Variants in STARD9 observed in about 807,000 individuals in gnomAD.
STARD9 encodes the protein StAR related lipid transfer domain containing 9, also known as stAR-related lipid transfer protein 9.
Under a neutral mutation model 399.8 loss-of-function variants are expected in STARD9, and 346 were observed. The ratio of observed to expected loss-of-function variants is 0.87; its 90% confidence interval spans 0.79 to 0.95. The LOEUF (loss-of-function observed/expected upper bound fraction) is 0.95. Ranked by LOEUF, STARD9 falls within the 40% of genes least tolerant of loss-of-function variation. The pLI is 0.00. For missense variants in STARD9, 5,832 were observed against 5,667.5 expected (o/e 1.03, Z -0.93); for synonymous variants, 2,203 against 2,143.5 (o/e 1.03, Z -0.77).
chr15:42,615,174 A>AT (rs1001576870), intron 3 of STARD9, among the ~76,000 whole-genome samples: 1 of 151,622 alleles, frequency 6.6e-6, no homozygotes, highest in Admixed American at 6.6e-5. Flanking sequence ...ATGCTGGCTA[A>AT]TTTTTTTGTA....
chr15:42,583,637 G>A (rs1222344334), intron 2 of STARD9, among the ~76,000 whole-genome samples: 2 of 152,096 alleles, frequency 1.3e-5, no homozygotes, highest in African/African-American at 4.8e-5. Context: ...TATCAGATAG[G>A]GTGCATCTGT....
At chr15:42,592,593 T>TCACCC (rs1331367236) in intron 3 of STARD9, among the ~76,000 whole-genome samples, 1 of 151,992 alleles carries the variant, frequency 6.6e-6, no homozygotes, top group Non-Finnish European at 1.5e-5. Flanking sequence ...TACAGGTGTG[T>TCACCC]GCCACCACAC....
rs1213752817 is a variant in STARD9, at chr15:42,720,218, G to A, written c.*644G>A. 1.3e-5 allele frequency: 2 copies of A among 152,304 alleles called. No homozygotes were observed. Among genetic ancestry groups the A allele is most frequent in the Admixed American group, 1.3e-4 (2 of 15,282 alleles). 9.4% of individuals were successfully genotyped at this position (152,304 alleles called of 1,614,324 possible). ...ATTTGGGTCTTGGCCTGAGGCAGGG[G>A]TGTTGAGCGATGATGCTCTGATATG... On this transcript the variant is annotated 3_prime_UTR_variant, in exon 33 of 33. Transcript: ENST00000290607.
At chr15:42,637,885 T>C (rs1273244936) in intron 4 of STARD9, 22 bp from the exon 5 acceptor site, 2 of 1,536,996 alleles carry the variant, frequency 1.3e-6, no homozygotes, top group African/African-American at 2.7e-5. Context: ...ACAATAATGC[T>C]TTCCTTTCTT....
intron 9 of STARD9, among the ~76,000 whole-genome samples, chr15:42,659,079 C>G (rs10400824): frequency 6.6e-6 from 1 of 151,870 alleles, no homozygotes; most frequent in African/African-American, 2.4e-5. Context: ...TGCCACTGCA[C>G]TTCAGCCTAG....
chr15:42,672,346 C>T (rs2060218998), intron 16 of STARD9: 1 of 152,228 alleles, frequency 6.6e-6, no homozygotes, highest in African/African-American at 2.4e-5. Context: ...GCCACTAACA[C>T]TCCCTACATA....
chr15:42,609,597 G>A (rs960887046), intron 3 of STARD9, among the ~76,000 whole-genome samples: 5 of 151,726 alleles, frequency 3.3e-5, no homozygotes, highest in East Asian at 2.0e-4. Context: ...GCGCCACCAC[G>A]CCCAGCTAAT....
intron 15 of STARD9, 143 bp downstream of exon 15, chr15:42,665,991 G>T: frequency 1.4e-6 from 1 of 715,688 alleles, no homozygotes; most frequent in Non-Finnish European, 2.4e-6. Flanking sequence ...TTTAAGCCTT[G>T]ACCGGGGGAT....
intron 26 of STARD9, among the ~76,000 whole-genome samples, chr15:42,699,760 G>T (rs2060925986): frequency 6.6e-6 from 1 of 151,982 alleles, no homozygotes; most frequent in Admixed American, 6.6e-5. Flanking sequence ...AAGCTGGAGT[G>T]CAATGGTGCA....
intron 20 of STARD9, among the ~76,000 whole-genome samples, chr15:42,678,940 A>G (rs1189588879): frequency 6.6e-6 from 1 of 152,232 alleles, no homozygotes; most frequent in African/African-American, 2.4e-5. Context: ...GCATCTATAC[A>G]GATGGCAGCA....
rs1337631737 is a variant in STARD9, at chr15:42,682,283, C to T, written c.2245C>T (p.Gln749Ter). 1.3e-6 allele frequency: 2 copies of T among 1,537,288 alleles called. No individual in the cohort carries two copies. The highest frequency in any genetic ancestry group is 2.0e-5 in the Admixed American group (1 of 51,014). Reference sequence around the variant, plus strand: ...AAGTCAGAAAAGGGTGGTGCACCTGCAGCTCCTGCGGAGACACACTCTTCG... The same window carrying T: ...AAGTCAGAAAAGGGTGGTGCACCTGTAGCTCCTGCGGAGACACACTCTTCG... ...VQSQKRVVHL[Q>*]LLRRHTLRAA... Residue 749 changes from glutamine (Q) to a stop codon, truncating the protein, a stop_gained, in exon 22 of 33, where the codon CAG becomes TAG. Transcript: ENST00000290607. LOFTEE classifies it high-confidence loss of function.
chr15:42,583,313 A>G (rs2141661010), intron 1 of STARD9, 33 bp from the exon 2 acceptor site: 1 of 1,501,186 alleles, frequency 6.7e-7, no homozygotes, highest in Non-Finnish European at 8.9e-7. Flanking sequence ...TTTTAAAAAC[A>G]ACATTTCTTC....
At chr15:42,666,919 A>T (rs1244071831) in intron 15 of STARD9, among the ~76,000 whole-genome samples, 1 of 151,132 alleles carries the variant, frequency 6.6e-6, no homozygotes, top group African/African-American at 2.4e-5. Context: ...GGTTCAAGTG[A>T]TTCTCCTGCC....
intron 26 of STARD9, among the ~76,000 whole-genome samples, chr15:42,706,307 GT>G (rs1386430320): frequency 1.3e-5 from 2 of 151,966 alleles, no homozygotes; most frequent in Admixed American, 1.3e-4. Flanking sequence ...TTGTAAATAG[GT>G]TTTTTCGTTC....
chr15:42,651,125 C>G, intron 8 of STARD9, 40 bp downstream of exon 8: 1 of 1,371,164 alleles, frequency 7.3e-7, no homozygotes, highest in East Asian at 2.5e-5. Flanking sequence ...TTTATCCTCA[C>G]ACTCCTATCC....
In STARD9 at chr15:42,693,522, C is replaced by A. The variant is rs2060767392; in HGVS notation, c.11944C>A (p.Pro3982Thr). The A allele has an allele frequency of 1.3e-6, 2 of 1,537,144 alleles. No individual in the cohort carries two copies. The highest frequency in any genetic ancestry group is 1.2e-5 in the South Asian group (1 of 84,066). Reference protein sequence around the residue: ...NGRSFLELHSPHSPQQSPKLQ... With the variant: ...NGRSFLELHSTHSPQQSPKLQ... Reference sequence around the variant, plus strand: ...GAGATCCTTCCTTGAGTTGCACTCCCCACACAGCCCACAGCAGAGTCCAAA... The same window carrying A: ...GAGATCCTTCCTTGAGTTGCACTCCACACACAGCCCACAGCAGAGTCCAAA... Residue 3982 changes from proline to threonine, a missense_variant, in exon 23 of 33, where the codon CCA becomes ACA. Physicochemically the swap from Pro to Thr is conservative, Grantham distance 38. This residue lies in a region of STARD9 where 5,828 missense variants were observed against 5,651.1 expected (regional missense o/e 1.03). Transcript: ENST00000290607.
chr15:42,594,936 C>T (rs544877463), intron 3 of STARD9, among the ~76,000 whole-genome samples: 1 of 152,298 alleles, frequency 6.6e-6, no homozygotes, highest in East Asian at 1.9e-4. Context: ...TTAGATACTG[C>T]TGCCATAAAA....
chr15:42,592,398 A>T (rs2058415735), intron 3 of STARD9, among the ~76,000 whole-genome samples: 1 of 151,118 alleles, frequency 6.6e-6, no homozygotes, highest in South Asian at 2.1e-4. Context: ...CTTGTCCATT[A>T]CTCCTTGACC....
chr15:42,698,752 T>G (rs1025661615), intron 26 of STARD9, among the ~76,000 whole-genome samples: 11 of 152,286 alleles, frequency 7.2e-5, no homozygotes, highest in African/African-American at 2.6e-4. Context: ...CTTCTAGAAC[T>G]TCTGTGGTTT....
Sources: gnomAD v4.1 joint callset for allele counts (sites outside exome capture counted in the v4.1 genomes callset) on GRCh38, gnomAD v4.1.1 for gene constraint, gnomAD v4.1.1 regional missense constraint, MANE v1.5 for transcripts, NCBI Gene and HGNC (gene_info 2026-07-23, HGNC 2026-07-21) for gene names.